HSPA4: variants seen among roughly 807,000 people sequenced by gnomAD.
HSPA4 encodes the protein heat shock 70 kDa protein 4.
In HSPA4, 25 loss-of-function variants were observed where a neutral mutation model predicts 106.2. The ratio of observed to expected loss-of-function variants is 0.24; its 90% CI spans 0.17 to 0.33. The LOEUF is 0.33. Ranked by LOEUF, HSPA4 falls within the 10% of genes least tolerant of loss-of-function variation. The pLI, the probability that HSPA4 is intolerant of heterozygous loss-of-function variation, is 1.00. For missense variants in HSPA4, 841 were observed against 996.0 expected (o/e 0.84, Z 2.10); for synonymous variants, 332 against 333.6 (o/e 1.00, Z 0.05).
At chr5:133,086,564 A>G (rs554719745) in intron 7 of HSPA4, among the ~76,000 whole-genome samples, 18 of 152,340 alleles carry the variant, frequency 1.2e-4, no homozygotes, top group African/African-American at 3.6e-4. Flanking sequence ...GCTGAATCAT[A>G]TGCTAACTCT....
chr5:133,104,017 T>G lies in HSPA4; in HGVS notation c.2310T>G (p.Ala770=). ...DPVVKSKEIE[A]KIKELTSTCS... Reference sequence around the variant, plus strand: ...TTGTCAAGTCAAAAGAGATTGAAGCTAAAATTAAGGTAATTTAAGACTTTT... The same window carrying G: ...TTGTCAAGTCAAAAGAGATTGAAGCGAAAATTAAGGTAATTTAAGACTTTT... Residue 770 remains alanine, a synonymous_variant, in exon 18 of 19, where the codon GCT becomes GCG. Transcript: ENST00000304858. The G allele has an allele frequency of 6.2e-7, 1 of 1,610,140 alleles. No individual in the cohort carries two copies. The highest frequency in any genetic ancestry group is 8.5e-7 in the Non-Finnish European group (1 of 1,178,922).
chr5:133,102,913 CT>C (rs533273263), intron 17 of HSPA4, among the ~76,000 whole-genome samples: 123 of 103,288 alleles, frequency 1.2e-3, no homozygotes, highest in East Asian at 3.9e-3. Flanking sequence ...CTAGGGTTGT[CT>C]TTTTTTTTTT....
intron 15 of HSPA4, 31 bp from the exon 16 acceptor site, chr5:133,099,514 G>T: frequency 1.7e-6 from 2 of 1,144,554 alleles, no homozygotes; most frequent in South Asian, 2.6e-5. Flanking sequence ...ATTTTTGATT[G>T]ACCTAATTAT....
intron 6 of HSPA4, among the ~76,000 whole-genome samples, chr5:133,075,840 A>G (rs1484747044): frequency 6.6e-6 from 1 of 150,682 alleles, no homozygotes; most frequent in Non-Finnish European, 1.5e-5. Flanking sequence ...AAAAAAAAGA[A>G]AAAAAAATAA....
chr5:133,096,736 G>T (rs1190502502), intron 14 of HSPA4, among the ~76,000 whole-genome samples: 6 of 152,142 alleles, frequency 3.9e-5, no homozygotes, highest in African/African-American at 1.4e-4. Flanking sequence ...ATTAATTTTT[G>T]TCTATGAGGT....
At position 133,104,235 on chromosome 5, in the gene HSPA4, G is replaced by A; in HGVS notation, c.2322G>A (p.Glu774=). The A allele has an allele frequency of 6.2e-7, 1 of 1,613,668 alleles. No homozygotes were observed. Reference sequence around the variant, plus strand: ...GTTTTCTGTCTTACCCATTCCAGGAGCTGACAAGTACTTGTAGCCCTATAA... The same window carrying A: ...GTTTTCTGTCTTACCCATTCCAGGAACTGACAAGTACTTGTAGCCCTATAA... The part of the protein sequence containing the change: ...KSKEIEAKIK[E]LTSTCSPIIS... The change falls in exon 19 of 19, where the codon GAG becomes GAA. Residue 774 remains glutamate (E), a splice_region_variant and synonymous_variant. Transcript: ENST00000304858.
chr5:133,053,493 CG>C (rs1765110971), intron 1 of HSPA4, among the ~76,000 whole-genome samples: 1 of 151,658 alleles, frequency 6.6e-6, no homozygotes, highest in Admixed American at 6.6e-5. Context: ...GCGTTGCAGG[CG>C]TGCGCCACCA....
At chr5:133,081,796 T>C (rs1397185158) in intron 7 of HSPA4, among the ~76,000 whole-genome samples, 1 of 152,168 alleles carries the variant, frequency 6.6e-6, no homozygotes, top group East Asian at 1.9e-4. Context: ...GCCCAGGAGA[T>C]GGAGGCTTCT....
intron 15 of HSPA4, among the ~76,000 whole-genome samples, chr5:133,098,721 G>A (rs1765746778): frequency 6.6e-6 from 1 of 151,912 alleles, no homozygotes; most frequent in Non-Finnish European, 1.5e-5. Flanking sequence ...TGCCCAGGCT[G>A]GAGTACAGTG....
At chr5:133,076,320 C>T (rs550133804) in intron 6 of HSPA4, 1 of 257,322 alleles carries the variant, frequency 3.9e-6, no homozygotes, top group South Asian at 5.9e-5. Context: ...CATGTAACTG[C>T]TATTGGTTGT....
intron 15 of HSPA4, among the ~76,000 whole-genome samples, chr5:133,098,138 A>G (rs1561586719): frequency 6.6e-6 from 1 of 152,000 alleles, no homozygotes; most frequent in Non-Finnish European, 1.5e-5. Context: ...CTTAGCTCCT[A>G]CTTATAAGGG....
rs762006449 is a variant in HSPA4, at chr5:133,089,040, A to C, written c.1138-15A>C. 9.4e-6 allele frequency: 14 copies of C among 1,497,210 alleles called. No individual in the cohort carries two copies. The South Asian group carries it at 1.6e-4, about 17-fold the overall frequency. The allele number at this position is 1,497,210 out of a possible 1,614,324, so 92.7% of individuals were successfully genotyped here. On this transcript the variant is annotated splice_polypyrimidine_tract_variant and intron_variant, in intron 9 of 18. Coordinates refer to ENST00000304858, the MANE Select transcript of HSPA4 (RefSeq NM_002154.4). The stretch of plus-strand genomic sequence containing the variant: ...TATACTTGTTAAACGGAATTTTTGA[A>C]AATTATTATTCTAGTGTGCCATCTT...
chr5:133,054,266 A>C (rs916786090), intron 1 of HSPA4, among the ~76,000 whole-genome samples: 3 of 151,786 alleles, frequency 2.0e-5, no homozygotes, highest in Non-Finnish European at 4.4e-5. Context: ...GCAGTGGCGT[A>C]ATCTCGGCTC....
chr5:133,078,061 G>A lies in HSPA4; in HGVS notation c.908+1163G>A, dbSNP rs140772010. The stretch of plus-strand genomic sequence containing the variant: ...TTTGAAAATAGTTGTGGCCTGGTAC[G>A]GTGGCTCACGCCTGTAATCCCAGCA... On this transcript the variant is annotated intron_variant, in intron 7 of 18. Transcript: ENST00000304858. Among the ~76,000 whole-genome samples the A allele has an allele frequency of 3.9e-3, 590 of 152,308 alleles. 3 individuals are homozygous for A. The highest frequency in any genetic ancestry group is 0.013 in the African/African-American group (560 of 41,584).
intron 11 of HSPA4, among the ~76,000 whole-genome samples, chr5:133,089,972 G>C (rs1259133090): frequency 6.6e-6 from 1 of 152,184 alleles, no homozygotes; most frequent in African/African-American, 2.4e-5. Context: ...AGTCTCGTTA[G>C]CAGGTTTAGA....
intron 6 of HSPA4, among the ~76,000 whole-genome samples, chr5:133,074,383 A>AT (rs1201384460): frequency 6.6e-6 from 1 of 151,114 alleles, no homozygotes; most frequent in African/African-American, 2.4e-5. Context: ...GGTTCAAGCG[A>AT]TTCTCCTGCC....
intron 3 of HSPA4, 79 bp from the exon 4 acceptor site, chr5:133,070,295 T>C: frequency 1.8e-5 from 24 of 1,343,940 alleles, no homozygotes; most frequent in Non-Finnish European, 2.4e-5. Flanking sequence ...ATGGGAAGCA[T>C]TGTTCATTTT....
chr5:133,090,964 GAT>G, intron 11 of HSPA4: 2 of 584,094 alleles, frequency 3.4e-6, no homozygotes, highest in South Asian at 3.4e-5. Context: ...AGAATCGGGA[GAT>G]ATTTGAGTTC....
chr5:133,066,685 T>C (rs200009880), intron 2 of HSPA4, among the ~76,000 whole-genome samples: 3 of 149,476 alleles, frequency 2.0e-5, no homozygotes, highest in African/African-American at 7.4e-5. Flanking sequence ...ATTTTTTTTT[T>C]CCCCTTTATG....
Sources: gnomAD v4.1 joint callset for allele counts (sites outside exome capture counted in the v4.1 genomes callset) on GRCh38, gnomAD v4.1.1 for gene constraint, MANE v1.5 for transcripts, NCBI Gene and HGNC (gene_info 2026-07-23, HGNC 2026-07-21) for gene names.